Variants in GOLGB1 observed in about 807,000 individuals in gnomAD.
The protein encoded by GOLGB1 is golgin subfamily B member 1.
In GOLGB1, 174 loss-of-function variants were observed where a neutral mutation model predicts 336.9. The observed-to-expected ratio is 0.52, with a 90% CI of 0.46 to 0.59. GOLGB1 has a LOEUF of 0.59. Ranked by LOEUF, GOLGB1 falls within the 20% of genes least tolerant of loss-of-function variation. The pLI is 0.00. For synonymous variants in GOLGB1, 1,208 were observed against 1,289.2 expected, an observed-to-expected ratio of 0.94 and a Z score of 1.35; for missense variants, 3,331 against 3,645.3, an observed-to-expected ratio of 0.91 and a Z score of 2.22.
chr3:121,683,091 G>A lies in GOLGB1; in HGVS notation c.8695-1226C>T, dbSNP rs567008199. ...TTTTTTTTTTTTTTTTTGGAGAGAC[G>A]GAGTCTCAGTATGTTGCCCAGGCTG... On this transcript the variant is annotated intron_variant, in intron 14 of 21. Transcript: ENST00000614479. Among the ~76,000 whole-genome samples, 16 of 66,390 alleles carry A rather than the reference G, an allele frequency of 2.4e-4. No individual in the cohort carries two copies. In the East Asian group the frequency reaches 3.5e-3, roughly 14 times the overall value. The allele number at this position is 66,390 out of a possible 152,430, so 43.6% of individuals were successfully genotyped here.
chr3:121,671,503 A>T (rs924167670), intron 17 of GOLGB1, among the ~76,000 whole-genome samples: 8 of 152,298 alleles, frequency 5.3e-5, no homozygotes, highest in Admixed American at 2.6e-4. Context: ...TACTTAAAAA[A>T]TTTTTTAATT....
chr3:121,674,990 C>T (rs1373986217), intron 17 of GOLGB1, among the ~76,000 whole-genome samples: 3 of 151,504 alleles, frequency 2.0e-5, no homozygotes, highest in East Asian at 1.9e-4. Flanking sequence ...CGCCCGCCAC[C>T]GCGCCCGGCT....
intron 4 of GOLGB1, among the ~76,000 whole-genome samples, chr3:121,727,289 C>CATATATATATATAT (rs1216701208): frequency 3.2e-4 from 14 of 44,340 alleles, no homozygotes; most frequent in East Asian, 2.6e-3. Context: ...CATACACACA[C>CATATATATATATAT]ACACATATAT....
At position 121,697,892 on chromosome 3, in the gene GOLGB1, T is replaced by C; in HGVS notation, c.2631A>G (p.Glu877=). The C allele has an allele frequency of 6.2e-7, 1 of 1,614,082 alleles. No individual in the cohort carries two copies. Among genetic ancestry groups the C allele is most frequent in the Non-Finnish European group, 8.5e-7 (1 of 1,179,940 alleles). Residue 877 remains glutamate (E), a synonymous_variant, in exon 13 of 22, where the codon GAA becomes GAG. Transcript: ENST00000614479. ...EELSQALSQK[E]LEITKMDQLL... ...GCTGATCCATTTTTGTTATTTCAAGTTCCTTCTGTGAAAGAGCCTGGGACA... is the reference window on the plus strand; with the variant it reads ...GCTGATCCATTTTTGTTATTTCAAGCTCCTTCTGTGAAAGAGCCTGGGACA...
intron 14 of GOLGB1, among the ~76,000 whole-genome samples, chr3:121,683,198 G>A (rs894542997): frequency 2.0e-5 from 3 of 150,838 alleles, no homozygotes; most frequent in Non-Finnish European, 1.5e-5. Context: ...CACTGCGCCC[G>A]GCCAGAAAAC....
At chr3:121,735,754 T>C (rs527878239) in intron 1 of GOLGB1, among the ~76,000 whole-genome samples, 1 of 152,300 alleles carries the variant, frequency 6.6e-6, no homozygotes, top group African/African-American at 2.4e-5. Context: ...GCATTATAAA[T>C]AATCAGTTAT....
intron 9 of GOLGB1, among the ~76,000 whole-genome samples, chr3:121,716,454 T>C (rs970781316): frequency 1.3e-5 from 2 of 152,200 alleles, no homozygotes; most frequent in Non-Finnish European, 2.9e-5. Context: ...TTTCAGTCAT[T>C]GAATCCTTCA....
Position 121,702,583 on chromosome 3 carries a change from C to A in GOLGB1, c.1417G>T (p.Glu473Ter). The change falls in exon 11 of 22, where the codon GAG becomes TAG. Residue 473 changes from glutamate to a stop codon, truncating the protein, a stop_gained. Coordinates refer to ENST00000614479, the MANE Select transcript of GOLGB1 (RefSeq NM_001366282.2). LOFTEE classifies it high-confidence loss of function. ...YNEGTQAVTE[E>*]NIASLQKRVV... ...CTCTTCTGCAAAGAAGCAATATTCT[C>A]CTCAGTGACTGCCTAAATTGTAGAA... 1 of 1,474,628 alleles carries A rather than the reference C, an allele frequency of 6.8e-7. No homozygotes were observed. Among genetic ancestry groups the A allele is most frequent in the South Asian group, 1.4e-5 (1 of 73,424 alleles). 91.3% of individuals were successfully genotyped at this position (1,474,628 alleles called of 1,614,324 possible).
At chr3:121,743,309 TTGGCAGGGACA>T (rs1414432117) in intron 1 of GOLGB1, among the ~76,000 whole-genome samples, 3 of 152,206 alleles carry the variant, frequency 2.0e-5, no homozygotes, top group Non-Finnish European at 4.4e-5. Context: ...GTTAATGTCC[TTGGCAGGGACA>T]TGGATGAAGC....
intron 10 of GOLGB1, among the ~76,000 whole-genome samples, chr3:121,707,624 A>T (rs1027857282): frequency 6.6e-6 from 1 of 150,918 alleles, no homozygotes; most frequent in African/African-American, 2.4e-5. Flanking sequence ...CAAAATGAGA[A>T]CCTGTCTCTT....
intron 17 of GOLGB1, among the ~76,000 whole-genome samples, chr3:121,673,813 C>G (rs924548034): frequency 2.0e-5 from 3 of 152,128 alleles, no homozygotes; most frequent in African/African-American, 7.2e-5. Context: ...CTCCGCCTCC[C>G]AAGTTCAAGT....
Position 121,697,230 on chromosome 3 carries a change from A to G in GOLGB1, c.3293T>C (p.Leu1098Pro). 1 of 1,614,146 alleles carries G rather than the reference A, an allele frequency of 6.2e-7. No individual in the cohort carries two copies. The highest frequency in any genetic ancestry group is 8.5e-7 in the Non-Finnish European group (1 of 1,179,992). Residue 1098 changes from leucine to proline, a missense_variant, in exon 13 of 22, where the codon CTG (leucine) becomes CCG (proline). Leu to Pro is a moderately conservative substitution (Grantham distance 98, BLOSUM62 -3). Transcript: ENST00000614479. ...CAAGGTCTGATTCATCTGTTTGACC[A>G]GAGCCTGGAATTGCTCTTCAGCTGC... is the stretch of plus-strand genomic sequence containing the variant. Reference protein sequence around the residue: ...KLAAEEQFQALVKQMNQTLQD... With the variant: ...KLAAEEQFQAPVKQMNQTLQD...
At chr3:121,703,860 TA>T (rs1943600759) in intron 10 of GOLGB1, among the ~76,000 whole-genome samples, 1 of 152,118 alleles carries the variant, frequency 6.6e-6, no homozygotes, top group Non-Finnish European at 1.5e-5. Flanking sequence ...ACAAGAATTT[TA>T]ATAAAGAAGC....
rs557340735 is a variant in GOLGB1, at chr3:121,729,731, G to A, written c.249+134C>T. 2.0e-5 allele frequency: 13 copies of A among 651,516 alleles called. No individual in the cohort carries two copies. The South Asian group carries it at 2.9e-4, about 15-fold the overall frequency. The allele number at this position is 651,516 out of a possible 1,614,324, so 40.4% of individuals were successfully genotyped here. A position where few individuals can be genotyped will look rare whatever the true frequency, so the allele number is the denominator to read the frequency against. On this transcript the variant is annotated intron_variant, in intron 3 of 21. Transcript: ENST00000614479. ...CACACCGACCCAAAAGTTATTTTCA[G>A]TAGGCATAAGGTTACAGTACTAGGG...
chr3:121,735,789 G>A (rs1011015879), intron 1 of GOLGB1, among the ~76,000 whole-genome samples: 7 of 152,176 alleles, frequency 4.6e-5, no homozygotes, highest in African/African-American at 1.2e-4. Context: ...TATTCTAGCC[G>A]TGTCCACTGA....
chr3:121,708,315 T>A (rs1341120167), intron 10 of GOLGB1, among the ~76,000 whole-genome samples: 1 of 152,154 alleles, frequency 6.6e-6, no homozygotes, highest in Non-Finnish European at 1.5e-5. Flanking sequence ...TTCATTTTCT[T>A]GATAGTAGTG....
chr3:121,723,517 T>C (rs902025265), intron 5 of GOLGB1, among the ~76,000 whole-genome samples: 2 of 152,248 alleles, frequency 1.3e-5, no homozygotes, highest in Non-Finnish European at 2.9e-5. Context: ...AAAATAAATA[T>C]AGACACATTT....
chr3:121,686,470 T>C (rs773772112), intron 14 of GOLGB1, among the ~76,000 whole-genome samples: 68 of 152,316 alleles, frequency 4.5e-4, no homozygotes, highest in Non-Finnish European at 5.4e-4. Flanking sequence ...AAAAATTGTT[T>C]ATATCTTTAT....
intron 10 of GOLGB1, among the ~76,000 whole-genome samples, chr3:121,712,933 G>A (rs943033003): frequency 3.3e-5 from 5 of 152,160 alleles, no homozygotes; most frequent in Non-Finnish European, 7.4e-5. Flanking sequence ...GGAGGCCGAG[G>A]TGGGCGGATC....
Sources: allele counts gnomAD v4.1 joint callset (sites outside exome capture counted in the v4.1 genomes callset), GRCh38; gene constraint gnomAD v4.1.1; transcripts MANE v1.5; gene names NCBI Gene and HGNC (gene_info 2026-07-23, HGNC 2026-07-21).